KNDC1: variants seen among roughly 807,000 people sequenced by gnomAD.
KNDC1 encodes the protein kinase non-catalytic C-lobe domain-containing protein 1.
A neutral mutation model predicts 172.8 loss-of-function variants in KNDC1; 106 were observed. That is an observed-to-expected ratio of 0.61 (90% confidence interval 0.52 to 0.72). The LOEUF is 0.72. KNDC1 is among the 30% of genes least tolerant of loss of function. KNDC1 has a pLI of 0.00. For missense variants in KNDC1, 2,325 were observed against 2,394.5 expected (o/e 0.97, Z 0.61); for synonymous variants, 1,083 against 1,062.2 (o/e 1.02, Z -0.38).
intron 29 of KNDC1, among the ~76,000 whole-genome samples, chr10:133,221,271 G>T (rs1004972633): frequency 1.3e-5 from 2 of 152,082 alleles, no homozygotes; most frequent in African/African-American, 2.4e-5. Context: ...TGGTCCTGCT[G>T]TCCACCTGCC....
intron 1 of KNDC1, among the ~76,000 whole-genome samples, chr10:133,164,635 C>T (rs895581324): frequency 6.6e-6 from 1 of 152,234 alleles, no homozygotes. Context: ...GCGTATTTTA[C>T]TTGAGCACGA....
chr10:133,198,458 C>T lies in KNDC1; in HGVS notation c.2028C>T (p.His676=), dbSNP rs1241462273. 6.2e-7 allele frequency: 1 copy of T among 1,606,562 alleles called. No individual in the cohort carries two copies. The change falls in exon 13 of 30, where the codon CAC becomes CAT. Residue 676 remains histidine, a synonymous_variant. Coordinates refer to ENST00000304613, the MANE Select transcript of KNDC1 (RefSeq NM_152643.8). Reference sequence around the variant, plus strand: ...CAGCGTTCACCTCCGAGGCCACGCACTTCAAGCCCATTGTCCTCGCGCAGA... The same window carrying T: ...CAGCGTTCACCTCCGAGGCCACGCATTTCAAGCCCATTGTCCTCGCGCAGA... ...LPAAFTSEAT[H]FKPIVLAQNA...
chr10:133,205,619 G>T (rs921699095), intron 17 of KNDC1, among the ~76,000 whole-genome samples: 8 of 152,246 alleles, frequency 5.3e-5, no homozygotes, highest in African/African-American at 1.9e-4. Context: ...AGGGTTTTTG[G>T]GGGCCTCGTC....
chr10:133,194,911 A>G (rs996160293), intron 9 of KNDC1, among the ~76,000 whole-genome samples: 2 of 152,252 alleles, frequency 1.3e-5, no homozygotes, highest in African/African-American at 4.8e-5. Flanking sequence ...TACGATATCA[A>G]CCGCGACCAT....
chr10:133,200,326 C>T (rs1423750240), intron 15 of KNDC1, 49 bp from the exon 16 acceptor site: 6 of 1,434,938 alleles, frequency 4.2e-6, no homozygotes, highest in South Asian at 1.3e-5. Flanking sequence ...AGACTGTGGC[C>T]TCCTCCCAGT....
chr10:133,199,600 A>C lies in KNDC1; in HGVS notation c.2901A>C (p.Pro967=). 1 of 1,613,010 alleles carries C rather than the reference A, an allele frequency of 6.2e-7. No individual in the cohort carries two copies. The highest frequency in any genetic ancestry group is 8.5e-7 in the Non-Finnish European group (1 of 1,179,802). ...KVVNGQASPS[P]STAEEAGSQL... is the part of the protein sequence containing the mutation. ...TCAACGGGCAGGCGTCACCCTCCCC[A>C]AGGTGGGTGCCCAGTTCGGCCCTGC... Residue 967 remains proline, a splice_region_variant and synonymous_variant, in exon 15 of 30, where the codon CCA becomes CCC. Transcript: ENST00000304613.
Position 133,186,320 on chromosome 10 carries a change from G to A in KNDC1, c.972G>A (p.Leu324=). Residue 324 remains leucine, a synonymous_variant, in exon 6 of 30, where the codon CTG becomes CTA. Transcript: ENST00000304613. ...DSPEATLCLP[L]TRGKSQLPIS... Reference sequence around the variant, plus strand: ...CCGAGGCCACCCTCTGCCTGCCGCTGACCCGCGGGAAAAGCCAGCTGCCCA... The same window carrying A: ...CCGAGGCCACCCTCTGCCTGCCGCTAACCCGCGGGAAAAGCCAGCTGCCCA... The A allele has an allele frequency of 6.2e-7, 1 of 1,612,506 alleles. No individual in the cohort carries two copies. Among genetic ancestry groups the A allele is most frequent in the Non-Finnish European group, 8.5e-7 (1 of 1,179,888 alleles).
intron 23 of KNDC1, 113 bp from the exon 24 acceptor site, chr10:133,212,603 G>A: frequency 1.2e-6 from 1 of 823,468 alleles, no homozygotes. Flanking sequence ...CCAGTCTGAG[G>A]AGTACTGGGC....
chr10:133,174,223 C>G (rs1853460032), intron 3 of KNDC1: 1 of 152,264 alleles, frequency 6.6e-6, no homozygotes, highest in African/African-American at 2.4e-5. Context: ...TTGTTTGCAT[C>G]AGAGGCCTCC....
intron 21 of KNDC1, among the ~76,000 whole-genome samples, chr10:133,210,930 G>A (rs1337859622): frequency 1.3e-5 from 2 of 152,162 alleles, no homozygotes; most frequent in Non-Finnish European, 2.9e-5. Flanking sequence ...GGAGGGCGGT[G>A]GCCTGGGCAC....
intron 5 of KNDC1, among the ~76,000 whole-genome samples, chr10:133,184,898 G>A (rs1463176624): frequency 6.6e-6 from 1 of 152,278 alleles, no homozygotes; most frequent in Non-Finnish European, 1.5e-5. Flanking sequence ...GCCCCCACCA[G>A]GAGCGCCAGG....
At chr10:133,217,012 CG>C (rs1845479994) in intron 26 of KNDC1, among the ~76,000 whole-genome samples, 1 of 152,090 alleles carries the variant, frequency 6.6e-6, no homozygotes, top group Non-Finnish European at 1.5e-5. Flanking sequence ...GGGTGGGCGC[CG>C]GGGGCTGGGA....
intron 3 of KNDC1, chr10:133,179,034 C>T (rs969004321): frequency 6.6e-6 from 1 of 152,242 alleles, no homozygotes; most frequent in Non-Finnish European, 1.5e-5. Context: ...CATCCAGCGT[C>T]CTCCAACGTG....
At chr10:133,199,661 C>A (rs1159967335) in intron 15 of KNDC1, 59 bp downstream of exon 15, 1 of 1,574,758 alleles carries the variant, frequency 6.4e-7, no homozygotes. Context: ...TGTGCCTGGG[C>A]TCTGCTGCCT....
intron 3 of KNDC1, 118 bp downstream of exon 3, chr10:133,168,430 A>G: frequency 2.8e-6 from 3 of 1,079,790 alleles, no homozygotes; most frequent in Non-Finnish European, 4.2e-6. Context: ...TCTGGCCGGG[A>G]GCGGAGCCGC....
At position 133,186,184 on chromosome 10, in the gene KNDC1, C is replaced by A; in HGVS notation, c.836C>A (p.Ala279Asp). The A allele has an allele frequency of 6.4e-7, 1 of 1,571,256 alleles. No homozygotes were observed. Among genetic ancestry groups the A allele is most frequent in the Non-Finnish European group, 8.6e-7 (1 of 1,158,740 alleles). Residue 279 changes from alanine to aspartate, a missense_variant, in exon 6 of 30, where the codon GCC becomes GAC. Ala to Asp is a moderately radical substitution (Grantham distance 126). Transcript: ENST00000304613. ...NGESHSREGL[A>D]GLVLDAERTL... ...GAGAGCCACAGCCGGGAGGGGCTGG[C>A]CGGCCTCGTCCTGGATGCCGAGCGC...
Position 133,189,455 on chromosome 10 carries a change from G to T in KNDC1, c.1442-143G>T. On this transcript the variant is annotated intron_variant, in intron 7 of 29. Coordinates refer to ENST00000304613, the MANE Select transcript of KNDC1 (RefSeq NM_152643.8). ...CCCGGGGGCTGGGGTCAGGCCATGT[G>T]CGTGCACTGGCAGGTGCGTGCCCGT... is the stretch of plus-strand genomic sequence containing the variant. The T allele has an allele frequency of 8.1e-6, 6 of 744,160 alleles. 1 individual carries two copies. In the South Asian group the frequency reaches 1.0e-4, roughly 13 times the overall value. The allele number at this position is 744,160 out of a possible 1,614,324, so 46.1% of individuals were successfully genotyped here. A position where few individuals can be genotyped will look rare whatever the true frequency, so the allele number is the denominator to read the frequency against.
chr10:133,222,550 A>T (rs1377629870), intron 29 of KNDC1, among the ~76,000 whole-genome samples: 4 of 30,184 alleles, frequency 1.3e-4, no homozygotes, highest in East Asian at 5.3e-4. Flanking sequence ...TGTGTGTGTG[A>T]GAGCCCATCC....
In KNDC1 at chr10:133,206,944, G is replaced by A; in HGVS notation, c.3570G>A (p.Lys1190=). ...TGCAATTCCTCAGCTTGGTCAAGAA[G>A]TATCTGCAGGCAAGTGGGCTCCGGG... The part of the protein sequence containing the change: ...SRVQFLSLVK[K]YLQVMYAERW... The change falls in exon 19 of 30, where the codon AAG becomes AAA. Residue 1190 remains lysine (K), a synonymous_variant. Transcript: ENST00000304613. 6.2e-7 allele frequency: 1 copy of A among 1,613,984 alleles called. No individual in the cohort carries two copies. Among genetic ancestry groups the A allele is most frequent in the Non-Finnish European group, 8.5e-7 (1 of 1,179,956 alleles).
Sources: allele counts gnomAD v4.1 joint callset (sites outside exome capture counted in the v4.1 genomes callset), GRCh38; gene constraint gnomAD v4.1.1; transcripts MANE v1.5; gene names NCBI Gene and HGNC (gene_info 2026-07-23, HGNC 2026-07-21).